Variants in SGCD observed in about 807,000 individuals in gnomAD.
SGCD encodes the protein delta-sarcoglycan.
A neutral mutation model predicts 36.6 loss-of-function variants in SGCD; 18 were observed. The ratio of observed to expected loss-of-function variants is 0.49; its 90% CI spans 0.34 to 0.73. SGCD has a LOEUF of 0.73. SGCD is among the 30% of genes least tolerant of loss of function. SGCD has a pLI of 0.01. For missense variants in SGCD, 387 were observed against 346.7 expected (o/e 1.12, Z -0.92); for synonymous variants, 133 against 130.6 (o/e 1.02, Z -0.12).
chr5:156,587,684 A>G (rs530753238), intron 4 of SGCD, among the ~76,000 whole-genome samples: 6 of 152,188 alleles, frequency 3.9e-5, no homozygotes, highest in African/African-American at 7.2e-5. Flanking sequence ...TCTTACCTCT[A>G]TGACTTTCTT....
chr5:155,743,547 C>T, the SGCD span, among the ~76,000 whole-genome samples: 1 of 152,194 alleles, frequency 6.6e-6, no homozygotes, highest in African/African-American at 2.4e-5. Flanking sequence ...ACCCTGATTG[C>T]ATCACCTGAA....
At chr5:155,997,787 A>G (rs1382230959) in intron 1 of SGCD, among the ~76,000 whole-genome samples, 1 of 152,242 alleles carries the variant, frequency 6.6e-6, no homozygotes. Flanking sequence ...CAAATTATGG[A>G]TATCAAAAAT....
In SGCD at chr5:156,724,326, C is replaced by T. The variant is rs1241178287; in HGVS notation, c.576-33255C>T. ...GCATAAGAAAATATAACTAGATACC[C>T]GGGCGTGGTGGCTCACGCCTGTAAT... On this transcript the variant is annotated intron_variant, in intron 7 of 8. Coordinates refer to ENST00000337851, the MANE Select transcript of SGCD (RefSeq NM_000337.6). Among the ~76,000 whole-genome samples the T allele has an allele frequency of 4.6e-5, 7 of 152,288 alleles. No homozygotes were observed. In the East Asian group the frequency reaches 7.7e-4, roughly 17 times the overall value.
the SGCD span, among the ~76,000 whole-genome samples, chr5:155,811,133 C>T: frequency 6.6e-6 from 1 of 152,028 alleles, no homozygotes; most frequent in Non-Finnish European, 1.5e-5. Flanking sequence ...CTGCTTTTAA[C>T]TGATAATTTC....
chr5:155,737,366 T>G, the SGCD span, among the ~76,000 whole-genome samples: 1 of 152,238 alleles, frequency 6.6e-6, no homozygotes, highest in Non-Finnish European at 1.5e-5. Flanking sequence ...TCCTATTATT[T>G]ACTTGCACAT....
At chr5:155,907,328 C>T (rs1481516149) in intron 1 of SGCD, among the ~76,000 whole-genome samples, 3 of 152,094 alleles carry the variant, frequency 2.0e-5, no homozygotes, top group Admixed American at 6.6e-5. Context: ...TACCTGCTAA[C>T]ACAACATTAA....
intron 1 of SGCD, among the ~76,000 whole-genome samples, chr5:155,874,550 G>T (rs1310229138): frequency 6.6e-6 from 1 of 152,008 alleles, no homozygotes; most frequent in Non-Finnish European, 1.5e-5. Flanking sequence ...TTAAAAAAGA[G>T]AACAATTTTT....
At chr5:156,530,812 T>G (rs1267010696) in intron 4 of SGCD, among the ~76,000 whole-genome samples, 3 of 152,028 alleles carry the variant, frequency 2.0e-5, no homozygotes, top group African/African-American at 2.4e-5. Context: ...ACTCCTGACC[T>G]CGTGATCCAC....
At chr5:156,737,039 TAA>T in intron 7 of SGCD, among the ~76,000 whole-genome samples, 1 of 152,320 alleles carries the variant, frequency 6.6e-6, no homozygotes, top group South Asian at 2.1e-4. Flanking sequence ...AATATTTATT[TAA>T]TGGCTGGACC....
At chr5:156,260,822 T>C (rs1296009695) in intron 3 of SGCD, among the ~76,000 whole-genome samples, 1 of 152,156 alleles carries the variant, frequency 6.6e-6, no homozygotes, top group Non-Finnish European at 1.5e-5. Flanking sequence ...GTATTTATTT[T>C]AAATGTATTT....
At chr5:156,322,390 T>G (rs1196878504), upstream of SGCD, among the ~76,000 whole-genome samples, 1 of 152,198 alleles carries the variant, frequency 6.6e-6, no homozygotes, top group Non-Finnish European at 1.5e-5. Context: ...GTGTACTTCC[T>G]ACAAGCTAGG....
rs111905503 is a variant in SGCD at position 156,159,118 on chromosome 5, A to G, written c.-44+35099A>G. ...CTCTGAGCCTCATTTCCACCATTAT[A>G]GGAATGGTAATATCTGTCTTGGCTA... On this transcript the variant is annotated intron_variant, in intron 3 of 9. Coordinates refer to the SGCD transcript ENST00000517913. Among the ~76,000 whole-genome samples, 44 of 151,726 alleles carry G rather than the reference A, an allele frequency of 2.9e-4. 1 individual carries two copies. The highest frequency in any genetic ancestry group is 9.3e-4 in the African/African-American group (38 of 41,036).
chr5:155,746,492 A>G, the SGCD span, among the ~76,000 whole-genome samples: 1 of 152,170 alleles, frequency 6.6e-6, no homozygotes, highest in Admixed American at 6.5e-5. Context: ...TCTGAAAGAC[A>G]AGTCAGAGCA....
At chr5:155,786,589 G>A in the SGCD span, among the ~76,000 whole-genome samples, 1 of 152,154 alleles carries the variant, frequency 6.6e-6, no homozygotes, top group African/African-American at 2.4e-5. Context: ...GCTATCAGGA[G>A]TCAGGTTAAG....
chr5:156,555,005 T>C (rs748814735), intron 4 of SGCD, among the ~76,000 whole-genome samples: 4 of 152,232 alleles, frequency 2.6e-5, no homozygotes, highest in African/African-American at 4.8e-5. Flanking sequence ...CATCCTTTCA[T>C]GGACTTATTG....
chr5:155,754,267 C>T, the SGCD span, among the ~76,000 whole-genome samples: 9 of 152,068 alleles, frequency 5.9e-5, no homozygotes, highest in East Asian at 1.9e-4. Context: ...ATTGTGTAAA[C>T]GAAATGAGAT....
chr5:155,842,264 T>TC, the SGCD span, among the ~76,000 whole-genome samples: 58 of 150,314 alleles, frequency 3.9e-4, no homozygotes, highest in Middle Eastern at 6.8e-3. Flanking sequence ...TTTTTTTTTT[T>TC]CTAATAGCCA....
At chr5:156,367,377 A>G (rs1019050053) in intron 3 of SGCD, among the ~76,000 whole-genome samples, 1 of 150,658 alleles carries the variant, frequency 6.6e-6, no homozygotes, top group South Asian at 2.1e-4. Flanking sequence ...AATTTTTTTT[A>G]AAACAACAAC....
In SGCD at chr5:156,764,427, G is replaced by GCACAC. The variant is rs1184099488; in HGVS notation, c.*5043_*5047dup. ...GAAGCCTGCTGCTTCAGCCAGCACA[G>GCACAC]CACACCACACACGCTCGCACTTTCA... On this transcript the variant is annotated 3_prime_UTR_variant, in exon 9 of 9. Transcript: ENST00000337851. 1 of 152,568 alleles carries GCACAC rather than the reference G, an allele frequency of 6.6e-6. No individual in the cohort carries two copies. The highest frequency in any genetic ancestry group is 1.5e-5 in the Non-Finnish European group (1 of 68,036). The allele number at this position is 152,568 out of a possible 1,614,324, so 9.5% of individuals were successfully genotyped here.
Sources: allele counts gnomAD v4.1 joint callset (sites outside exome capture counted in the v4.1 genomes callset), GRCh38; gene constraint gnomAD v4.1.1; transcripts MANE v1.5; gene names NCBI Gene and HGNC (gene_info 2026-07-23, HGNC 2026-07-21).